The following DNAH5 variants were observed in gnomAD, a reference collection of about 807,000 sequenced individuals.
The protein encoded by DNAH5 is dynein axonemal heavy chain 5.
DNAH5 carries 372 observed loss-of-function variants against 518.2 expected under a neutral mutation model. That is an observed-to-expected ratio of 0.72 (90% CI 0.66 to 0.78). The LOEUF (loss-of-function observed/expected upper bound fraction) is 0.78, where lower values mean the gene tolerates loss of function less well. DNAH5 is among the 30% of genes least tolerant of loss of function. The pLI, the probability that DNAH5 is intolerant of heterozygous loss-of-function variation, is 0.00. For synonymous variants in DNAH5, 2,039 were observed against 2,025.9 expected (o/e 1.01, Z -0.17); for missense variants, 5,523 against 5,687.0 (o/e 0.97, Z 0.93).
intron 1 of DNAH5, among the ~76,000 whole-genome samples, chr5:14,000,003 T>C (rs1284059268): frequency 6.6e-6 from 1 of 152,214 alleles, no homozygotes. Context: ...TTACTGATAA[T>C]AGGTTCATGC....
chr5:13,880,645 G>T (rs1201165104), intron 21 of DNAH5, among the ~76,000 whole-genome samples: 1 of 151,642 alleles, frequency 6.6e-6, no homozygotes, highest in Non-Finnish European at 1.5e-5. Context: ...AGTATAAGAT[G>T]TTTTATGTAA....
At chr5:13,976,724 T>TACACACACAC (rs375620037) in intron 1 of DNAH5, among the ~76,000 whole-genome samples, 1 of 109,784 alleles carries the variant, frequency 9.1e-6, no homozygotes, top group African/African-American at 3.1e-5. Context: ...CACACACACA[T>TACACACACAC]ACACACACAC....
intron 32 of DNAH5, 116 bp downstream of exon 32, chr5:13,844,721 G>T: frequency 1.5e-6 from 2 of 1,332,452 alleles, no homozygotes; most frequent in East Asian, 4.6e-5. Context: ...CACTGGCCAA[G>T]AGCTAATGAA....
At chr5:13,999,452 C>T (rs193288460) in intron 1 of DNAH5, among the ~76,000 whole-genome samples, 7 of 152,210 alleles carry the variant, frequency 4.6e-5, no homozygotes, top group Admixed American at 6.5e-5. Context: ...TGGAATCATG[C>T]GTTAGTTGTC....
upstream of DNAH5, among the ~76,000 whole-genome samples, chr5:13,948,573 T>C (rs2152033731): frequency 6.6e-6 from 1 of 152,260 alleles, no homozygotes; most frequent in East Asian, 1.9e-4. Flanking sequence ...GTAACATATG[T>C]GAAAAATTAT....
intron 11 of DNAH5, among the ~76,000 whole-genome samples, chr5:13,913,081 A>C (rs2151979929): frequency 6.6e-6 from 1 of 152,150 alleles, no homozygotes; most frequent in Admixed American, 6.5e-5. Flanking sequence ...GTACCAAAAA[A>C]AATTTAAGAT....
intron 14 of DNAH5, 196 bp from the exon 15 acceptor site, chr5:13,900,608 G>A (rs1400250751): frequency 3.3e-6 from 2 of 610,892 alleles, no homozygotes; most frequent in South Asian, 2.0e-5. Context: ...TGGTGTTGAT[G>A]TTGGGCAGTC....
chr5:13,895,666 GA>G (rs1181182765), intron 15 of DNAH5, among the ~76,000 whole-genome samples: 2 of 152,052 alleles, frequency 1.3e-5, no homozygotes, highest in Non-Finnish European at 2.9e-5. Context: ...TCACGGCTTT[GA>G]ATTTCATCCA....
intron 49 of DNAH5, among the ~76,000 whole-genome samples, chr5:13,793,134 TA>T (rs968169850): frequency 2.0e-5 from 3 of 152,198 alleles, no homozygotes; most frequent in African/African-American, 7.2e-5. Context: ...ATGGGTTGGT[TA>T]AAGTATAAGC....
chr5:13,890,029 G>C (rs748631028), intron 17 of DNAH5, among the ~76,000 whole-genome samples: 1 of 152,204 alleles, frequency 6.6e-6, no homozygotes, highest in African/African-American at 2.4e-5. Flanking sequence ...ACTTCATGGA[G>C]CACTGCTCCC....
At chr5:13,919,967 C>T (rs1450243773) in intron 6 of DNAH5, among the ~76,000 whole-genome samples, 1 of 152,214 alleles carries the variant, frequency 6.6e-6, no homozygotes, top group African/African-American at 2.4e-5. Context: ...CTTCTGAAGG[C>T]CATGACCTCA....
rs148435639 is a variant in DNAH5 at position 13,701,040 on chromosome 5, C to CT, written c.13492-170dup. ...TTAAAAAAACCACATCCTAATTGAG[C>CT]TAGGTCTACTTTAAAAAAAAATAGA... On this transcript the variant is annotated intron_variant, in intron 77 of 78. Coordinates refer to ENST00000265104, the MANE Select transcript of DNAH5 (RefSeq NM_001369.3). 2.4e-3 allele frequency among the ~76,000 whole-genome samples: 365 copies of CT among 152,180 alleles called. 1 individual carries two copies. The highest frequency in any genetic ancestry group is 8.5e-3 in the African/African-American group (353 of 41,512).
intron 21 of DNAH5, 143 bp from the exon 22 acceptor site, chr5:13,876,960 T>G (rs897556827): frequency 1.2e-6 from 1 of 854,020 alleles, no homozygotes; most frequent in Admixed American, 2.7e-5. Flanking sequence ...ATGGAAAGAG[T>G]TGTCAATGTC....
At chr5:13,953,518 AAGTTGGGGACATAAAGGAC>A in intron 1 of DNAH5, among the ~76,000 whole-genome samples, 1 of 152,210 alleles carries the variant, frequency 6.6e-6, no homozygotes, top group African/African-American at 2.4e-5. Flanking sequence ...AGTAAATTCC[AAGTTGGGGACATAAAGGAC>A]CTTGCTATGA....
In DNAH5 at chr5:13,810,175, A is replaced by G; in HGVS notation, c.7493T>C (p.Leu2498Pro). The change falls in exon 45 of 79, where the codon CTG (leucine) becomes CCG (proline). Residue 2498 changes from leucine to proline, a missense_variant. Leu to Pro is a moderately conservative substitution (Grantham distance 98, BLOSUM62 -3). Coordinates refer to ENST00000265104, the MANE Select transcript of DNAH5 (RefSeq NM_001369.3). ...GAGCTCCAGGCGGCGCCGTCCGTCCAGCTCCAGCGCCGCCCCCGCGCTCCA... is the reference window on the plus strand; with the variant it reads ...GAGCTCCAGGCGGCGCCGTCCGTCCGGCTCCAGCGCCGCCCCCGCGCTCCA... ...LLWSAGAALE[L>P]DGRRRLELWL... 1 of 1,549,026 alleles carries G rather than the reference A, an allele frequency of 6.5e-7. No homozygotes were observed. The highest frequency in any genetic ancestry group is 8.7e-7 in the Non-Finnish European group (1 of 1,145,942).
chr5:13,752,120 T>C lies in DNAH5; in HGVS notation c.11028+14A>G, dbSNP rs748656365. 6 of 1,613,452 alleles carry C rather than the reference T, an allele frequency of 3.7e-6. No individual in the cohort carries two copies. The highest frequency in any genetic ancestry group is 4.2e-6 in the Non-Finnish European group (5 of 1,179,586). On this transcript the variant is annotated intron_variant, in intron 64 of 78. Transcript: ENST00000265104. ...TAATTGTTCTGCACATTGTCATCCA[T>C]AGGTTTAACCTACCTTAAAGGTAGA...
chr5:13,793,463 C>G (rs1485019299), intron 49 of DNAH5, 52 bp downstream of exon 49: 1 of 1,506,450 alleles, frequency 6.6e-7, no homozygotes, highest in Non-Finnish European at 9.2e-7. Flanking sequence ...AAAAAGGAAC[C>G]CAAGCAGGTG....
At chr5:13,993,736 A>T (rs1392713377) in intron 1 of DNAH5, among the ~76,000 whole-genome samples, 1 of 152,218 alleles carries the variant, frequency 6.6e-6, no homozygotes, top group African/African-American at 2.4e-5. Context: ...AGCTTGCCTA[A>T]TGTACAGACG....
chr5:13,839,583 A>G (rs1764887430), intron 34 of DNAH5, 55 bp from the exon 35 acceptor site: 4 of 1,438,480 alleles, frequency 2.8e-6, no homozygotes, highest in Non-Finnish European at 3.9e-6. Context: ...CATTAAATAT[A>G]CACGTTATTA....
Sources: gnomAD v4.1 joint callset for allele counts (sites outside exome capture counted in the v4.1 genomes callset) on GRCh38, gnomAD v4.1.1 for gene constraint, MANE v1.5 for transcripts, NCBI Gene and HGNC (gene_info 2026-07-23, HGNC 2026-07-21) for gene names.